Variants in TOB2 observed in about 807,000 individuals in gnomAD.
TOB2 encodes the protein transducer of ERBB2, 2, also known as protein Tob2.
Under a neutral mutation model 17.3 loss-of-function variants are expected in TOB2, and 3 were observed. The ratio of observed to expected loss-of-function variants is 0.17; its 90% CI spans 0.08 to 0.45. TOB2 has a LOEUF of 0.45. Among genes scored for constraint, TOB2 ranks in the 20% least tolerant of loss-of-function variants. TOB2 has a pLI of 0.99. For synonymous variants in TOB2, 163 were observed against 185.6 expected (o/e 0.88, Z 0.99); for missense variants, 407 against 445.7 (o/e 0.91, Z 0.78).
intron 1 of TOB2, among the ~76,000 whole-genome samples, 182 bp from the exon 2 acceptor site, chr22:41,437,589 A>C (rs1049271862): frequency 1.3e-5 from 2 of 152,142 alleles, no homozygotes; most frequent in African/African-American, 4.8e-5. Flanking sequence ...GGCCATCATG[A>C]AGTTAAGGTA....
At chr22:41,443,154 T>C (rs1486006714) in intron 1 of TOB2, among the ~76,000 whole-genome samples, 5 of 152,082 alleles carry the variant, frequency 3.3e-5, no homozygotes, top group Non-Finnish European at 7.4e-5. Context: ...AAAGAGCAGG[T>C]GCCTAGGAGA....
At chr22:41,440,869 AT>A (rs71184806) in intron 1 of TOB2, among the ~76,000 whole-genome samples, 1 of 150,176 alleles carries the variant, frequency 6.7e-6, no homozygotes, top group East Asian at 2.0e-4. Flanking sequence ...GTCCAGCCTC[AT>A]TTTTTTTTGT....
intron 1 of TOB2, among the ~76,000 whole-genome samples, chr22:41,442,245 A>G (rs1337693335): frequency 1.3e-5 from 2 of 152,192 alleles, no homozygotes; most frequent in Admixed American, 6.6e-5. Flanking sequence ...AAGGTACTGC[A>G]TGGCCTCTTA....
Position 41,437,001 on chromosome 22 carries a change from A to T in TOB2, c.345T>A (p.Asp115Glu). ...CTGGGGCACCGCAACCCTCACTGTC[A>T]TCCAGGTACAGCACTTTCACAGCTC... ...EKGAVKVLYLDDSEGCGAPEL... is the reference protein window; with the variant it reads ...EKGAVKVLYLEDSEGCGAPEL... Residue 115 changes from aspartate to glutamate, a missense_variant, in exon 2 of 2, where the codon GAT (aspartate) becomes GAA (glutamate). Physicochemically the swap from Asp to Glu is conservative, Grantham distance 45 (BLOSUM62 2). Transcript: ENST00000327492. 1 of 1,614,160 alleles carries T rather than the reference A, an allele frequency of 6.2e-7. No homozygotes were observed. The highest frequency in any genetic ancestry group is 8.5e-7 in the Non-Finnish European group (1 of 1,180,044).
chr22:41,436,637 T>C lies in TOB2; in HGVS notation c.709A>G (p.Met237Val), dbSNP rs200955505. The change falls in exon 2 of 2, where the codon ATG becomes GTG. Residue 237 changes from methionine to valine, a missense_variant. By Grantham distance (21) the Met-to-Val change is conservative (BLOSUM62 1). Transcript: ENST00000327492. The surrounding 1 kb of genome is among the most constrained non-coding windows in gnomAD (Gnocchi z 4.8). Reference protein sequence around the residue: ...LLKHKSLSLSMHSLNFITANP... With the variant: ...LLKHKSLSLSVHSLNFITANP... ...GCCGTGATGAAGTTCAGTGAATGCA[T>C]AGACAGAGAGAGGCTCTTGTGCTTC... 170 of 1,614,064 alleles carry C rather than the reference T, an allele frequency of 1.1e-4. No homozygotes were observed. In the African/African-American group the frequency reaches 1.8e-3, roughly 17 times the overall value.
chr22:41,438,578 C>T (rs1372369601), intron 1 of TOB2, among the ~76,000 whole-genome samples: 5 of 129,942 alleles, frequency 3.8e-5, no homozygotes, highest in South Asian at 2.5e-4. Context: ...TGTGGTGAGC[C>T]GAGATCGCAC....
chr22:41,444,049 T>C (rs1284364594), intron 1 of TOB2, among the ~76,000 whole-genome samples: 5 of 152,236 alleles, frequency 3.3e-5, no homozygotes, highest in Admixed American at 6.5e-5. Context: ...ATGTGCAAAC[T>C]GTCCTACAAT....
rs1159481866 is a variant in TOB2 at position 41,446,681 on chromosome 22, ACGGCAGACGGTATGGGCTGTCGC to A, written c.-388_-366del. 18 of 152,472 alleles carry A rather than the reference ACGGCAGACGGTATGGGCTGTCGC, an allele frequency of 1.2e-4. No individual in the cohort carries two copies. In the South Asian group the frequency reaches 1.6e-3, roughly 14 times the overall value. 9.4% of individuals were successfully genotyped at this position (152,472 alleles called of 1,614,324 possible). On this transcript the variant is annotated 5_prime_UTR_variant, in exon 1 of 2. Coordinates refer to ENST00000327492, the MANE Select transcript of TOB2 (RefSeq NM_016272.4). ...ATCGGAGGGTGGTTCGTGTCGCGCA[ACGGCAGACGGTATGGGCTGTCGC>A]CGGCAGACGGTCCTGCCCTCCTGGC...
At chr22:41,442,880 A>G (rs2037634442) in intron 1 of TOB2, among the ~76,000 whole-genome samples, 1 of 152,220 alleles carries the variant, frequency 6.6e-6, no homozygotes, top group African/African-American at 2.4e-5. Context: ...GGGAACAAGT[A>G]AAGGGATTCG....
intron 1 of TOB2, among the ~76,000 whole-genome samples, chr22:41,440,174 A>G (rs1311326293): frequency 3.3e-5 from 5 of 149,812 alleles, no homozygotes; most frequent in Admixed American, 6.7e-5. Flanking sequence ...CTGGAGTGCA[A>G]TGGCACGGTC....
chr22:41,440,308 G>A (rs9619970), intron 1 of TOB2, among the ~76,000 whole-genome samples: 238 of 150,538 alleles, frequency 1.6e-3, no homozygotes, highest in African/African-American at 5.6e-3. Flanking sequence ...CAGTAGAGAC[G>A]GGGTTTCCCC....
chr22:41,445,427 G>A (rs909175602), intron 1 of TOB2, among the ~76,000 whole-genome samples: 1 of 152,156 alleles, frequency 6.6e-6, no homozygotes. Context: ...TTTTTCTGCC[G>A]GAAAATCAGA....
intron 1 of TOB2, among the ~76,000 whole-genome samples, chr22:41,442,897 T>G (rs1362148629): frequency 6.6e-6 from 1 of 152,304 alleles, no homozygotes; most frequent in East Asian, 1.9e-4. Context: ...TTCGCTTAAG[T>G]GGCTGCAGAG....
chr22:41,435,532 C>T lies in TOB2; in HGVS notation c.*779G>A. The T allele has an allele frequency of 6.5e-6, 1 of 152,770 alleles. No individual in the cohort carries two copies. Among genetic ancestry groups the T allele is most frequent in the Non-Finnish European group, 1.5e-5 (1 of 68,100 alleles). 9.5% of individuals were successfully genotyped at this position (152,770 alleles called of 1,614,324 possible). On this transcript the variant is annotated 3_prime_UTR_variant, in exon 2 of 2. Transcript: ENST00000327492. Reference sequence around the variant, plus strand: ...AACATCCAGCCTGGGGAAGAAGGGGCTGCATGAGGGAAAGAAAGCCCATAC... The same window carrying T: ...AACATCCAGCCTGGGGAAGAAGGGGTTGCATGAGGGAAAGAAAGCCCATAC...
chr22:41,446,199 T>G (rs202656), intron 1 of TOB2, among the ~76,000 whole-genome samples, 180 bp downstream of exon 1: 2 of 152,084 alleles, frequency 1.3e-5, no homozygotes. Flanking sequence ...GAAGAGGAGC[T>G]GGGGAAAGTG....
At chr22:41,443,744 C>T (rs1193055953) in intron 1 of TOB2, among the ~76,000 whole-genome samples, 1 of 151,810 alleles carries the variant, frequency 6.6e-6, no homozygotes, top group Non-Finnish European at 1.5e-5. Flanking sequence ...CTGCCTCAGC[C>T]TCCCGAGTAA....
chr22:41,444,117 G>A (rs759586777), intron 1 of TOB2, among the ~76,000 whole-genome samples: 37 of 152,310 alleles, frequency 2.4e-4, no homozygotes, highest in South Asian at 6.2e-4. Context: ...CAGACCGGGT[G>A]GATGCGAGTG....
At chr22:41,444,573 C>A (rs1161743754) in intron 1 of TOB2, among the ~76,000 whole-genome samples, 2 of 152,210 alleles carry the variant, frequency 1.3e-5, no homozygotes, top group East Asian at 3.8e-4. Flanking sequence ...CCCAACTGGC[C>A]GCAATACGCA....
At chr22:41,445,412 G>T (rs951267680) in intron 1 of TOB2, among the ~76,000 whole-genome samples, 1 of 152,168 alleles carries the variant, frequency 6.6e-6, no homozygotes, top group African/African-American at 2.4e-5. Context: ...AAAGCAATAG[G>T]ATTGTTTTTC....
Sources: allele counts gnomAD v4.1 joint callset (sites outside exome capture counted in the v4.1 genomes callset), GRCh38; gene constraint gnomAD v4.1.1; non-coding constraint Gnocchi (gnomAD v3.1); transcripts MANE v1.5; gene names NCBI Gene and HGNC (gene_info 2026-07-23, HGNC 2026-07-21).